DLGAP1: variants seen among roughly 807,000 people sequenced by gnomAD.
DLGAP1 encodes the protein disks large-associated protein 1.
In DLGAP1, 11 loss-of-function variants were observed where a neutral mutation model predicts 90.8. The observed-to-expected ratio is 0.12, with a 90% confidence interval of 0.08 to 0.20. The LOEUF is 0.20. Ranked by LOEUF, DLGAP1 falls within the 10% of genes least tolerant of loss-of-function variation. The pLI is 1.00. For synonymous variants in DLGAP1, 558 were observed against 540.7 expected, an observed-to-expected ratio of 1.03 and a Z score of -0.44; for missense variants, 1,050 against 1,333.8, an observed-to-expected ratio of 0.79 and a Z score of 3.31.
chr18:3,802,224 C>G (rs2066337750), intron 5 of DLGAP1, among the ~76,000 whole-genome samples: 1 of 151,024 alleles, frequency 6.6e-6, no homozygotes, highest in Non-Finnish European at 1.5e-5. Context: ...ACTTTGTGAT[C>G]CGCCCGCCTC....
At chr18:4,085,319 CA>C (rs1568387159) in intron 2 of DLGAP1, among the ~76,000 whole-genome samples, 3 of 152,194 alleles carry the variant, frequency 2.0e-5, no homozygotes, top group Non-Finnish European at 2.9e-5. Flanking sequence ...TGATTATATG[CA>C]TTAGCATCTG....
chr18:3,939,512 A>T (rs901282379), intron 3 of DLGAP1, among the ~76,000 whole-genome samples: 1 of 152,090 alleles, frequency 6.6e-6, no homozygotes, highest in Non-Finnish European at 1.5e-5. Context: ...AAACAAAAAA[A>T]CAAGTGGCAT....
intron 2 of DLGAP1, among the ~76,000 whole-genome samples, chr18:4,135,155 G>T (rs2076379458): frequency 6.6e-6 from 1 of 152,110 alleles, no homozygotes; most frequent in Admixed American, 6.6e-5. Flanking sequence ...ATGTATTCAA[G>T]TTTATCACAG....
chr18:3,733,230 C>T (rs2062509813), intron 6 of DLGAP1, among the ~76,000 whole-genome samples: 3 of 152,176 alleles, frequency 2.0e-5, no homozygotes, highest in South Asian at 2.1e-4. Flanking sequence ...ACGTATTATG[C>T]TCCCCAACCA....
intron 1 of DLGAP1, among the ~76,000 whole-genome samples, chr18:4,421,721 T>C (rs958739778): frequency 2.6e-5 from 4 of 152,142 alleles, no homozygotes; most frequent in Non-Finnish European, 4.4e-5. Flanking sequence ...TATTTTTATT[T>C]TTTGGGGGAT....
chr18:3,765,646 C>A (rs556155125), intron 5 of DLGAP1, among the ~76,000 whole-genome samples: 1 of 151,834 alleles, frequency 6.6e-6, no homozygotes, highest in African/African-American at 2.4e-5. Context: ...CCAGCCTGGC[C>A]AACATGGTGA....
In DLGAP1 at chr18:4,265,504, T is replaced by C. The variant is rs188459615; in HGVS notation, c.-266-114217A>G. Among the ~76,000 whole-genome samples, 463 of 149,752 alleles carry C rather than the reference T, an allele frequency of 3.1e-3. 4 individuals are homozygous for C. The highest frequency in any genetic ancestry group is 0.011 in the African/African-American group (448 of 40,140). ...TTCCTTCCTTTCCTTTCCTTTTTCT[T>C]TGTTTCTTCTTTTTCTTTCTTTCCT... is the stretch of plus-strand genomic sequence containing the variant. On this transcript the variant is annotated intron_variant, in intron 1 of 12. Transcript: ENST00000315677.
At chr18:3,837,537 G>A (rs1194784926) in intron 4 of DLGAP1, among the ~76,000 whole-genome samples, 1 of 152,100 alleles carries the variant, frequency 6.6e-6, no homozygotes, top group Non-Finnish European at 1.5e-5. Flanking sequence ...AGAAAGCAAA[G>A]TAACCCAGAT....
intron 1 of DLGAP1, among the ~76,000 whole-genome samples, chr18:4,283,213 C>A (rs1023865688): frequency 2.0e-5 from 3 of 152,150 alleles, no homozygotes; most frequent in African/African-American, 7.2e-5. Flanking sequence ...ATATGTAATG[C>A]TGATTTCTGA....
intron 3 of DLGAP1, among the ~76,000 whole-genome samples, chr18:3,954,348 A>T (rs1350991282): frequency 6.6e-6 from 1 of 152,234 alleles, no homozygotes; most frequent in Non-Finnish European, 1.5e-5. Context: ...CTCTGATACT[A>T]AGCTGCCAAA....
At chr18:3,880,362 G>C (rs1367024656) in intron 3 of DLGAP1, among the ~76,000 whole-genome samples, 1 of 151,920 alleles carries the variant, frequency 6.6e-6, no homozygotes, top group Admixed American at 6.6e-5. Context: ...TTTTTGTAGA[G>C]AGGAGGTCTC....
At position 4,297,611 on chromosome 18, in the gene DLGAP1, A is replaced by G. The variant is rs552679033; in HGVS notation, c.-266-146324T>C. On this transcript the variant is annotated intron_variant, in intron 1 of 12. Coordinates refer to ENST00000315677, the MANE Select transcript of DLGAP1 (RefSeq NM_004746.4). ...GGTACTGCAAGGATGTTTGCTTAAC[A>G]GACAGCCTCGGAAGTCGGAGAGTAA... is the stretch of plus-strand genomic sequence containing the variant. Among the ~76,000 whole-genome samples the G allele has an allele frequency of 2.9e-4, 44 of 152,308 alleles. 1 individual carries two copies. The South Asian group carries it at 5.0e-3, about 17-fold the overall frequency.
Position 3,851,875 on chromosome 18 carries a change from G to A in DLGAP1, c.957+27237C>T, listed in dbSNP as rs191688700. Reference sequence around the variant, plus strand: ...TTGTAAGAACTCAGGGAAGAAATGAGAAGAAAACAGGAGGTTACTGGTACA... The same window carrying A: ...TTGTAAGAACTCAGGGAAGAAATGAAAAGAAAACAGGAGGTTACTGGTACA... On this transcript the variant is annotated intron_variant, in intron 4 of 12. Transcript: ENST00000315677. Among the ~76,000 whole-genome samples the A allele has an allele frequency of 8.5e-4, 129 of 152,176 alleles. 1 individual carries two copies. The highest frequency in any genetic ancestry group is 2.9e-3 in the African/African-American group (121 of 41,524).
intron 1 of DLGAP1, among the ~76,000 whole-genome samples, chr18:4,156,320 A>G (rs2076755331): frequency 6.6e-6 from 1 of 152,204 alleles, no homozygotes; most frequent in Non-Finnish European, 1.5e-5. Flanking sequence ...GATTGGTAGT[A>G]TTCCTATTTC....
intron 3 of DLGAP1, among the ~76,000 whole-genome samples, chr18:3,958,607 G>C (rs2073130026): frequency 8.2e-6 from 1 of 121,472 alleles, no homozygotes; most frequent in Admixed American, 9.7e-5. Flanking sequence ...GCCTTAGAGA[G>C]TTTAATCCTC....
At chr18:4,135,645 A>G (rs1216291164) in intron 2 of DLGAP1, among the ~76,000 whole-genome samples, 1 of 151,916 alleles carries the variant, frequency 6.6e-6, no homozygotes, top group Non-Finnish European at 1.5e-5. Context: ...TCTACTCTCT[A>G]TCTCCATTAG....
At chr18:3,706,680 T>C (rs938599797) in intron 7 of DLGAP1, among the ~76,000 whole-genome samples, 3 of 152,174 alleles carry the variant, frequency 2.0e-5, no homozygotes, top group Non-Finnish European at 4.4e-5. Context: ...GTCAGTGATG[T>C]GTTGAGCAAC....
At chr18:3,699,957 G>T (rs1192651331) in intron 7 of DLGAP1, among the ~76,000 whole-genome samples, 1 of 152,176 alleles carries the variant, frequency 6.6e-6, no homozygotes, top group East Asian at 1.9e-4. Context: ...CCTCAGCAAT[G>T]GTGGACGCCC....
intron 7 of DLGAP1, among the ~76,000 whole-genome samples, chr18:3,664,218 C>CACACACACACCCACA (rs1555620386): frequency 1.1e-4 from 8 of 75,774 alleles, no homozygotes; most frequent in African/African-American, 4.7e-4. Flanking sequence ...ACACACACAC[C>CACACACACACCCACA]CACACACACA....
Sources: allele counts gnomAD v4.1 joint callset (sites outside exome capture counted in the v4.1 genomes callset), GRCh38; gene constraint gnomAD v4.1.1; transcripts MANE v1.5; gene names NCBI Gene and HGNC (gene_info 2026-07-23, HGNC 2026-07-21).